DRC8: variants seen among roughly 807,000 people sequenced by gnomAD.
DRC8 encodes dynein regulatory complex subunit 8.
the DRC8 span, among the ~76,000 whole-genome samples, chr1:245,095,505 A>G: frequency 6.6e-6 from 1 of 152,230 alleles, no homozygotes; most frequent in African/African-American, 2.4e-5. Flanking sequence ...GTGACTGGAT[A>G]GTATCTTATT....
the DRC8 span, among the ~76,000 whole-genome samples, chr1:245,081,362 C>T: frequency 2.0e-5 from 3 of 152,014 alleles, no homozygotes; most frequent in Admixed American, 6.6e-5. Flanking sequence ...AGGGTTTCAC[C>T]GTGTTAGCCA....
the DRC8 span, among the ~76,000 whole-genome samples, chr1:245,082,493 T>C: frequency 1.3e-5 from 2 of 152,228 alleles, no homozygotes; most frequent in Non-Finnish European, 2.9e-5. Context: ...AGCATTAGCT[T>C]ACCATAGTTG....
the DRC8 span, among the ~76,000 whole-genome samples, chr1:245,117,743 C>A: frequency 6.6e-6 from 1 of 152,144 alleles, no homozygotes; most frequent in Admixed American, 6.5e-5. Flanking sequence ...CCAAGGCAAG[C>A]GGATCGCTTG....
At chr1:245,047,392 TG>T in the DRC8 span, among the ~76,000 whole-genome samples, 1 of 152,168 alleles carries the variant, frequency 6.6e-6, no homozygotes, top group Non-Finnish European at 1.5e-5. Flanking sequence ...CCTAGCACTT[TG>T]GGAGGCTAAG....
chr1:244,993,592 C>T, the DRC8 span, among the ~76,000 whole-genome samples: 2 of 152,182 alleles, frequency 1.3e-5, no homozygotes, highest in African/African-American at 2.4e-5. Flanking sequence ...AGGATGTCTT[C>T]GTGTATTTGT....
chr1:244,980,522 C>G, the DRC8 span, among the ~76,000 whole-genome samples: 1 of 152,094 alleles, frequency 6.6e-6, no homozygotes, highest in Non-Finnish European at 1.5e-5. Flanking sequence ...AGATAAAACC[C>G]TGAACCAAAG....
chr1:245,041,128 A>G, the DRC8 span, among the ~76,000 whole-genome samples: 1 of 152,166 alleles, frequency 6.6e-6, no homozygotes, highest in African/African-American at 2.4e-5. Flanking sequence ...CGAGATAAGA[A>G]CTTTAAGATT....
chr1:244,980,410 C>T, the DRC8 span, among the ~76,000 whole-genome samples: 2 of 152,024 alleles, frequency 1.3e-5, no homozygotes, highest in Admixed American at 6.6e-5. Context: ...AAGAGACAAT[C>T]ATATTTGTTG....
chr1:245,102,736 A>T, the DRC8 span, among the ~76,000 whole-genome samples: 1 of 152,276 alleles, frequency 6.6e-6, no homozygotes, highest in Non-Finnish European at 1.5e-5. Flanking sequence ...AAAACAGAGT[A>T]GGAGGCAGGT....
At chr1:245,063,318 G>A in the DRC8 span, among the ~76,000 whole-genome samples, 2 of 152,202 alleles carry the variant, frequency 1.3e-5, no homozygotes, top group Non-Finnish European at 2.9e-5. Context: ...GAAAGTGCCT[G>A]AAGTCGATGA....
the DRC8 span, among the ~76,000 whole-genome samples, chr1:245,035,683 G>A: frequency 3.9e-5 from 6 of 151,918 alleles, no homozygotes; most frequent in Non-Finnish European, 4.4e-5. Flanking sequence ...CCTGGCCAAC[G>A]TGGTGAAACC....
chr1:245,086,485 G>T, the DRC8 span, among the ~76,000 whole-genome samples: 15 of 152,322 alleles, frequency 9.8e-5, no homozygotes, highest in East Asian at 2.1e-3. Context: ...ACTAGTTTGA[G>T]AATATGCATT....
At chr1:245,042,451 T>C in the DRC8 span, among the ~76,000 whole-genome samples, 1 of 152,242 alleles carries the variant, frequency 6.6e-6, no homozygotes, top group African/African-American at 2.4e-5. Flanking sequence ...ATAGCTCTGC[T>C]GAAGAAAGAG....
chr1:245,028,367 T>C, the DRC8 span, among the ~76,000 whole-genome samples: 1 of 152,258 alleles, frequency 6.6e-6, no homozygotes, highest in Admixed American at 6.5e-5. Context: ...GCTGCTGTAA[T>C]TGTGACTGGG....
the DRC8 span, among the ~76,000 whole-genome samples, chr1:245,114,463 TA>T: frequency 0.057 from 7,824 of 138,366 alleles, 459 homozygotes; most frequent in East Asian, 0.14. Context: ...AGACTCCATC[TA>T]AAAAAAAAAA....
the DRC8 span, among the ~76,000 whole-genome samples, chr1:245,032,659 C>T: frequency 7.9e-5 from 12 of 152,130 alleles, no homozygotes; most frequent in South Asian, 2.5e-3. Context: ...TACAACATTG[C>T]CTTTTCTCTA....
At chr1:244,975,235 T>G in the DRC8 span, among the ~76,000 whole-genome samples, 2 of 152,100 alleles carry the variant, frequency 1.3e-5, no homozygotes, top group African/African-American at 4.8e-5. Context: ...TGGCTCGAAC[T>G]CTTGAGCTCA....
the DRC8 span, among the ~76,000 whole-genome samples, chr1:245,021,034 C>T: frequency 6.6e-6 from 1 of 152,224 alleles, no homozygotes; most frequent in East Asian, 1.9e-4. Flanking sequence ...CCAGGTGTTA[C>T]ATATTTACAT....
chr1:245,117,548 C>T, the DRC8 span, among the ~76,000 whole-genome samples: 4 of 151,910 alleles, frequency 2.6e-5, no homozygotes, highest in East Asian at 3.9e-4. Context: ...CTCAGCCTCC[C>T]AAGGAGCTGG....
Sources: allele counts gnomAD v4.1 joint callset (sites outside exome capture counted in the v4.1 genomes callset), GRCh38; gene constraint gnomAD v4.1.1; transcripts MANE v1.5; gene names NCBI Gene and HGNC (gene_info 2026-07-23, HGNC 2026-07-21).